PRDM10: variants seen among roughly 807,000 people sequenced by gnomAD.
The protein encoded by PRDM10 is PR/SET domain 10.
PRDM10 carries 65 observed loss-of-function variants against 133.1 expected under a neutral mutation model. The ratio of observed to expected loss-of-function variants is 0.49; its 90% CI spans 0.40 to 0.60. The LOEUF is 0.60. Ranked by LOEUF, PRDM10 falls within the 20% of genes least tolerant of loss-of-function variation. The pLI is 0.00. For missense variants in PRDM10, 1,137 were observed against 1,507.1 expected, an observed-to-expected ratio of 0.75 and a Z score of 4.07; for synonymous variants, 582 against 580.4, an observed-to-expected ratio of 1.00 and a Z score of -0.04.
chr11:129,992,363 C>A (rs150796999), intron 1 of PRDM10, among the ~76,000 whole-genome samples: 1 of 152,316 alleles, frequency 6.6e-6, no homozygotes, highest in African/African-American at 2.4e-5. Flanking sequence ...CCTTTAAATA[C>A]CTGATCTCAA....
intron 11 of PRDM10, among the ~76,000 whole-genome samples, chr11:129,926,609 T>A (rs561443630): frequency 2.0e-5 from 3 of 152,248 alleles, no homozygotes; most frequent in Non-Finnish European, 4.4e-5. Flanking sequence ...ATAATTACTA[T>A]GTAACAAGAG....
rs548455096 is a variant in PRDM10 at position 129,973,801 on chromosome 11, C to T, written c.-118-12719G>A. Among the ~76,000 whole-genome samples the T allele has an allele frequency of 5.3e-5, 8 of 152,198 alleles. 1 individual carries two copies. The South Asian group carries it at 1.7e-3, about 32-fold the overall frequency. On this transcript the variant is annotated intron_variant, in intron 1 of 20. Coordinates refer to ENST00000360871, the MANE Select transcript of PRDM10 (RefSeq NM_199437.2). Reference sequence around the variant, plus strand: ...AACAGAACAGTGTAAGATAAAACATCGATGAAGACTCTTATGTAGATATAA... The same window carrying T: ...AACAGAACAGTGTAAGATAAAACATTGATGAAGACTCTTATGTAGATATAA...
Position 129,999,627 on chromosome 11 carries a change from T to C in PRDM10, c.-119+3095A>G, listed in dbSNP as rs143668068. Among the ~76,000 whole-genome samples the C allele has an allele frequency of 3.0e-3, 456 of 152,288 alleles. 3 individuals are homozygous for C. Among genetic ancestry groups the C allele is most frequent in the African/African-American group, 0.01 (431 of 41,566 alleles). The stretch of plus-strand genomic sequence containing the variant: ...AACAGTTTCTTTTTACCAGATATAA[T>C]TACGCGGTTACGAGGTGTTTACCAG... On this transcript the variant is annotated intron_variant, in intron 1 of 20. Transcript: ENST00000360871.
chr11:129,901,666 C>T lies in PRDM10; in HGVS notation c.*647G>A. 6.6e-6 allele frequency: 1 copy of T among 152,160 alleles called. No individual in the cohort carries two copies. Among genetic ancestry groups the T allele is most frequent in the South Asian group, 2.1e-4 (1 of 4,826 alleles). The allele number at this position is 152,160 out of a possible 1,614,324, so 9.4% of individuals were successfully genotyped here. On this transcript the variant is annotated 3_prime_UTR_variant, in exon 21 of 21. Transcript: ENST00000360871. ...AGCTTCTGACCTAATCCACTGAGGA[C>T]CAGCATCTGTGGAAAGCACTACCAA...
At chr11:129,917,552 T>C (rs977991094) in intron 14 of PRDM10, among the ~76,000 whole-genome samples, 3 of 152,368 alleles carry the variant, frequency 2.0e-5, no homozygotes, top group Non-Finnish European at 2.9e-5. Flanking sequence ...TATGAATTTC[T>C]TTGGTGAGTT....
intron 6 of PRDM10, among the ~76,000 whole-genome samples, chr11:129,943,166 AAGCAAGTAGT>A (rs1480879666): frequency 1.3e-5 from 2 of 152,240 alleles, no homozygotes; most frequent in African/African-American, 2.4e-5. Context: ...GTTATCCACA[AAGCAAGTAGT>A]AGAGAGGGCT....
intron 1 of PRDM10, among the ~76,000 whole-genome samples, chr11:129,964,450 T>C (rs1565499092): frequency 6.6e-6 from 1 of 152,218 alleles, no homozygotes; most frequent in African/African-American, 2.4e-5. Flanking sequence ...ATATTATCAA[T>C]TTATTGTATT....
chr11:129,968,216 G>T (rs1951944958), intron 1 of PRDM10, among the ~76,000 whole-genome samples: 1 of 152,154 alleles, frequency 6.6e-6, no homozygotes, highest in Non-Finnish European at 1.5e-5. Flanking sequence ...TTCTGTACTG[G>T]CCTCGCACCT....
chr11:129,987,958 G>A (rs765985124), intron 1 of PRDM10, among the ~76,000 whole-genome samples: 35 of 152,126 alleles, frequency 2.3e-4, no homozygotes, highest in Admixed American at 2.0e-4. Flanking sequence ...CCGAGATAGC[G>A]CCACTGCAGT....
chr11:129,966,224 A>G lies in PRDM10; in HGVS notation c.-118-5142T>C, dbSNP rs2135936472. On this transcript the variant is annotated intron_variant, in intron 1 of 20. Coordinates refer to ENST00000360871, the MANE Select transcript of PRDM10 (RefSeq NM_199437.2). ...GAGTCACTGCACTCCAGCCTAGGCAACAAGAGGGAGACTCCATCTCAAAAC... is the reference window on the plus strand; with the variant it reads ...GAGTCACTGCACTCCAGCCTAGGCAGCAAGAGGGAGACTCCATCTCAAAAC... 1.3e-5 allele frequency among the ~76,000 whole-genome samples: 2 copies of G among 152,310 alleles called. 1 individual carries two copies. The highest frequency in any genetic ancestry group is 4.1e-4 in the South Asian group (2 of 4,828).
At chr11:129,985,890 A>ATAGATCTTG (rs1329978089) in intron 1 of PRDM10, among the ~76,000 whole-genome samples, 7 of 148,752 alleles carry the variant, frequency 4.7e-5, no homozygotes, top group Admixed American at 1.4e-4. Context: ...AACCCAAGGT[A>ATAGATCTTG]TAGATCTTGA....
At chr11:129,991,690 G>A (rs1417652069) in intron 1 of PRDM10, among the ~76,000 whole-genome samples, 2 of 152,140 alleles carry the variant, frequency 1.3e-5, no homozygotes, top group South Asian at 2.1e-4. Flanking sequence ...GTAGTGGCAC[G>A]CGCCTGCAAT....
rs765507986 is a variant in PRDM10, at chr11:129,918,605, T to C, written c.2148A>G (p.Thr716=). ...SKTFKPRITS[T]DYDSFTFKCR... is the part of the protein sequence containing the mutation. ...ACTTGAACGTGAAGCTGTCGTAGTC[T>C]GTGGACGTGATGCGGGGCTTGAACG... The change falls in exon 14 of 21, where the codon ACA becomes ACG. Residue 716 remains threonine (T), a synonymous_variant. Transcript: ENST00000360871. This position sits in a 1 kb window ranked among gnomAD's most constrained non-coding sequence, Gnocchi z 5.3. The C allele has an allele frequency of 1.2e-6, 2 of 1,614,116 alleles. No individual in the cohort carries two copies. Among genetic ancestry groups the C allele is most frequent in the African/African-American group, 1.3e-5 (1 of 74,946 alleles).
chr11:129,932,201 C>T lies in PRDM10; in HGVS notation c.1188G>A (p.Lys396=). 1 of 1,614,160 alleles carries T rather than the reference C, an allele frequency of 6.2e-7. No homozygotes were observed. Among genetic ancestry groups the T allele is most frequent in the African/African-American group, 1.3e-5 (1 of 75,058 alleles). The change falls in exon 10 of 21, where the codon AAG becomes AAA. Residue 396 remains lysine, a synonymous_variant. Transcript: ENST00000360871. ...RTRGRGRGRG[K]RRFGPGRRPG... is the part of the protein sequence containing the mutation. ...GCCGTCGACCTGGACCGAATCGCCT[C>T]TTGCCTCGTCCCCTTCCTCTGCCTC... is the stretch of plus-strand genomic sequence containing the variant.
intron 8 of PRDM10, among the ~76,000 whole-genome samples, chr11:129,936,609 C>T (rs1400392777): frequency 1.3e-5 from 2 of 151,866 alleles, no homozygotes; most frequent in Admixed American, 1.3e-4. Flanking sequence ...GCCGAGATCA[C>T]GCCACTGCAC....
In PRDM10 at chr11:129,960,833, T is replaced by G. The variant is rs1951782481; in HGVS notation, c.69+63A>C. 5 of 1,547,070 alleles carry G rather than the reference T, an allele frequency of 3.2e-6. No homozygotes were observed. The Admixed American group carries it at 5.0e-5, about 16-fold the overall frequency. On this transcript the variant is annotated intron_variant, in intron 2 of 20. Coordinates refer to ENST00000360871, the MANE Select transcript of PRDM10 (RefSeq NM_199437.2). ...CTAGATAGCAGCTGTATTTCTTTGC[T>G]GTCAGCAAACTGAGTCCAGCTGAAA...
At chr11:129,975,676 C>T (rs1480318241) in intron 1 of PRDM10, among the ~76,000 whole-genome samples, 2 of 152,074 alleles carry the variant, frequency 1.3e-5, no homozygotes, top group African/African-American at 4.8e-5. Context: ...CTGGCCCTTC[C>T]TCTGCCCAGC....
intron 20 of PRDM10, 35 bp downstream of exon 20, chr11:129,905,603 G>T: frequency 2.0e-6 from 3 of 1,502,014 alleles, no homozygotes; most frequent in Non-Finnish European, 1.9e-6. Context: ...ACCACAGGTT[G>T]GACAGGAAAA....
chr11:129,983,748 T>G (rs1012599853), intron 1 of PRDM10, among the ~76,000 whole-genome samples: 1 of 152,118 alleles, frequency 6.6e-6, no homozygotes, highest in African/African-American at 2.4e-5. Flanking sequence ...GAAGAGACCT[T>G]TGTTCCCACT....
Sources: gnomAD v4.1 joint callset for allele counts (sites outside exome capture counted in the v4.1 genomes callset) on GRCh38, gnomAD v4.1.1 for gene constraint, Gnocchi (gnomAD v3.1) non-coding constraint, MANE v1.5 for transcripts, NCBI Gene and HGNC (gene_info 2026-07-23, HGNC 2026-07-21) for gene names.